Variants in PFKFB1 observed in about 807,000 individuals in gnomAD.
PFKFB1 encodes the protein 6-phosphofructo-2-kinase/fructose-2,6-bisphosphatase 1.
In PFKFB1, 34 loss-of-function variants were observed where a neutral mutation model predicts 46.4. That is an observed-to-expected ratio of 0.73 (90% CI 0.56 to 0.98). The LOEUF (loss-of-function observed/expected upper bound fraction) is 0.98. PFKFB1 is among the 50% of genes least tolerant of loss of function. The probability of loss-of-function intolerance (pLI) is 0.00; values close to 1 mark genes in which losing one functional copy is unlikely to be tolerated. For missense variants in PFKFB1, 393 were observed against 376.3 expected (o/e 1.04, Z -0.37); for synonymous variants, 119 against 133.8 (o/e 0.89, Z 0.76).
chrX:54,961,243 T>C (rs1272952656), intron 2 of PFKFB1, among the ~76,000 whole-genome samples: 28 of 110,777 alleles, frequency 2.5e-4, no homozygotes, highest in African/African-American at 9.2e-4. Context: ...TTTCCATTAT[T>C]CTACTTTATC....
intron 2 of PFKFB1, among the ~76,000 whole-genome samples, chrX:54,962,516 T>C (rs905850583): frequency 1.8e-5 from 2 of 111,821 alleles, no homozygotes; most frequent in Non-Finnish European, 3.8e-5. Flanking sequence ...GGGCACATGG[T>C]AAACCATCGG....
intron 1 of PFKFB1, among the ~76,000 whole-genome samples, chrX:54,992,956 C>A (rs769451524): frequency 2.7e-5 from 3 of 111,527 alleles, no homozygotes; most frequent in East Asian, 5.7e-4. Flanking sequence ...ATTTAACATC[C>A]TATATGCTCC....
At chrX:54,948,964 G>T in intron 9 of PFKFB1, 111 bp downstream of exon 9, 1 of 878,439 alleles carries the variant, frequency 1.1e-6, no homozygotes, top group Non-Finnish European at 1.6e-6. Flanking sequence ...TGTCAAAAAA[G>T]TTTGTTGAAT....
rs368930293 is a variant in PFKFB1, at chrX:54,945,565, C to T, written c.994-22G>A. The T allele has an allele frequency of 1.6e-4, 148 of 947,474 alleles. No homozygotes were observed. In the Middle Eastern group the frequency reaches 4.6e-3, roughly 29 times the overall value. 78.1% of individuals were successfully genotyped at this position (947,474 alleles called of 1,213,427 possible). On this transcript the variant is annotated intron_variant, in intron 9 of 13. Transcript: ENST00000375006. The stretch of plus-strand genomic sequence containing the variant: ...CACCCTGAGAAAAAGTATTTGGGGG[C>T]GAAAGTATTCACAAGATGAAATTCC...
upstream of PFKFB1, among the ~76,000 whole-genome samples, chrX:54,997,830 C>T (rs968722893): frequency 7.1e-5 from 8 of 112,091 alleles, no homozygotes; most frequent in East Asian, 8.4e-4. Flanking sequence ...AGACTATAGT[C>T]GCACAGCAGC....
intron 1 of PFKFB1, among the ~76,000 whole-genome samples, chrX:54,975,217 C>G (rs1049438908): frequency 1.8e-5 from 2 of 110,922 alleles, no homozygotes; most frequent in African/African-American, 6.6e-5. Context: ...TGCTCATCAT[C>G]CAACGAGTGG....
At chrX:54,991,539 C>G (rs4592165) in intron 1 of PFKFB1, among the ~76,000 whole-genome samples, 9,620 of 61,770 alleles carry the variant, frequency 0.16, 1,456 homozygotes, top group African/African-American at 0.42. Flanking sequence ...CTCTCTCTCT[C>G]TGTGTGTGTG....
At chrX:54,934,087 G>T (rs1406154053) in intron 12 of PFKFB1, among the ~76,000 whole-genome samples, 2 of 111,820 alleles carry the variant, frequency 1.8e-5, no homozygotes, top group African/African-American at 6.5e-5. Context: ...AGCCAACAGG[G>T]TATCCTGTCA....
At chrX:54,961,392 C>T (rs1397349537) in intron 2 of PFKFB1, among the ~76,000 whole-genome samples, 6 of 111,004 alleles carry the variant, frequency 5.4e-5, no homozygotes. Context: ...ACTTCTAGTC[C>T]AAAGTTATTT....
intron 1 of PFKFB1, among the ~76,000 whole-genome samples, chrX:54,971,902 G>A (rs1934675331): frequency 9.0e-6 from 1 of 111,428 alleles, no homozygotes; most frequent in East Asian, 2.8e-4. Flanking sequence ...GATGGGGATG[G>A]CATTGAATCT....
intron 11 of PFKFB1, among the ~76,000 whole-genome samples, chrX:54,936,144 C>T (rs745637323): frequency 1.8e-5 from 2 of 111,168 alleles, no homozygotes; most frequent in African/African-American, 3.3e-5. Context: ...GAAACAGACT[C>T]GGAGAAGGGA....
chrX:54,997,078 AG>A (rs1474883016), upstream of PFKFB1, among the ~76,000 whole-genome samples: 3 of 112,065 alleles, frequency 2.7e-5, no homozygotes, highest in Non-Finnish European at 5.6e-5. Flanking sequence ...CCTGGCACAG[AG>A]GACAGAGAAG....
intron 10 of PFKFB1, among the ~76,000 whole-genome samples, chrX:54,939,226 T>G (rs900173475): frequency 9.0e-6 from 1 of 111,191 alleles, no homozygotes; most frequent in East Asian, 2.8e-4. Flanking sequence ...CCAGAATCTC[T>G]GGGACACATT....
chrX:54,997,612 C>T (rs1391127376), upstream of PFKFB1, among the ~76,000 whole-genome samples: 1 of 111,755 alleles, frequency 8.9e-6, no homozygotes, highest in African/African-American at 3.3e-5. Flanking sequence ...GGTATGAATG[C>T]ATTTGTGGAG....
At chrX:54,971,678 T>C (rs1303904070) in intron 1 of PFKFB1, among the ~76,000 whole-genome samples, 17 of 112,048 alleles carry the variant, frequency 1.5e-4, no homozygotes, top group East Asian at 1.4e-3. Flanking sequence ...GAGGGCTCTG[T>C]TCTGTTCCAT....
chrX:54,942,673 CA>C (rs1205671694), intron 10 of PFKFB1, among the ~76,000 whole-genome samples: 1 of 110,632 alleles, frequency 9.0e-6, no homozygotes, highest in African/African-American at 3.3e-5. Context: ...TAAGCAGAAA[CA>C]AGAAGAGAAC....
At chrX:54,933,765 G>A in intron 13 of PFKFB1, 56 bp downstream of exon 13, 1 of 1,042,564 alleles carries the variant, frequency 9.6e-7, no homozygotes, top group African/African-American at 1.8e-5. Flanking sequence ...TGGATAAGGT[G>A]CTTTCACCAT....
At chrX:54,964,014 T>C (rs1414364177) in intron 1 of PFKFB1, among the ~76,000 whole-genome samples, 2 of 110,927 alleles carry the variant, frequency 1.8e-5, no homozygotes, top group Non-Finnish European at 3.8e-5. Context: ...CCAACATCAC[T>C]GAAACTCTGC....
intron 1 of PFKFB1, among the ~76,000 whole-genome samples, chrX:54,983,665 T>C (rs1469686687): frequency 1.8e-5 from 2 of 112,199 alleles, no homozygotes; most frequent in East Asian, 5.6e-4. Flanking sequence ...ACGATTTATA[T>C]CCCCTTGGGT....
Sources: gnomAD v4.1 joint callset for allele counts (sites outside exome capture counted in the v4.1 genomes callset) on GRCh38, gnomAD v4.1.1 for gene constraint, MANE v1.5 for transcripts, NCBI Gene and HGNC (gene_info 2026-07-23, HGNC 2026-07-21) for gene names.